MAML1: variants seen among roughly 807,000 people sequenced by gnomAD.
MAML1 encodes the protein mastermind like transcriptional coactivator 1.
A neutral mutation model predicts 77.1 loss-of-function variants in MAML1; 14 were observed. That is an observed-to-expected ratio of 0.18 (90% CI 0.12 to 0.28). MAML1 has a LOEUF of 0.28. Among genes scored for constraint, MAML1 ranks in the 10% least tolerant of loss-of-function variants. The pLI, the probability that MAML1 is intolerant of heterozygous loss-of-function variation, is 1.00. For missense variants in MAML1, 1,217 were observed against 1,327.8 expected (o/e 0.92, Z 1.30); for synonymous variants, 516 against 551.9 (o/e 0.93, Z 0.91).
chr5:179,745,134 T>C (rs1779354373), intron 1 of MAML1, among the ~76,000 whole-genome samples: 1 of 151,950 alleles, frequency 6.6e-6, no homozygotes, highest in Non-Finnish European at 1.5e-5. Context: ...CTCGATCTCC[T>C]GACCTCGTGA....
intron 1 of MAML1, among the ~76,000 whole-genome samples, chr5:179,763,574 C>A (rs1779759794): frequency 6.6e-6 from 1 of 151,956 alleles, no homozygotes; most frequent in Non-Finnish European, 1.5e-5. Context: ...ATAAGCAAAT[C>A]TTGATGTGGG....
intron 2 of MAML1, among the ~76,000 whole-genome samples, chr5:179,767,006 C>CT (rs1404527889): frequency 1.3e-5 from 2 of 151,632 alleles, no homozygotes; most frequent in African/African-American, 2.4e-5. Context: ...AGTCCACTGT[C>CT]TCTTTCGTGC....
chr5:179,773,793 C>G lies in MAML1; in HGVS notation c.2069-102C>G, dbSNP rs1305655044. 5.3e-6 allele frequency: 8 copies of G among 1,511,580 alleles called. No individual in the cohort carries two copies. In the East Asian group the frequency reaches 1.6e-4, roughly 30 times the overall value. The allele number at this position is 1,511,580 out of a possible 1,614,324, so 93.6% of individuals were successfully genotyped here. On this transcript the variant is annotated intron_variant, in intron 4 of 4. Transcript: ENST00000292599. ...CCCCATGGCCCCCGGGGCCCTCTTC[C>G]CAGTGTGCCGTGAACGTGAGACTTC...
At chr5:179,738,575 A>G (rs527680142) in intron 1 of MAML1, among the ~76,000 whole-genome samples, 12 of 152,070 alleles carry the variant, frequency 7.9e-5, no homozygotes, top group Non-Finnish European at 1.6e-4. Flanking sequence ...TTCAGCTTGA[A>G]ATTATGAACA....
At chr5:179,743,610 C>T (rs1779325001) in intron 1 of MAML1, among the ~76,000 whole-genome samples, 1 of 151,834 alleles carries the variant, frequency 6.6e-6, no homozygotes, top group East Asian at 1.9e-4. Flanking sequence ...TGCGATCCAC[C>T]CGCCTCAGCC....
At chr5:179,747,023 G>A (rs1034791846) in intron 1 of MAML1, among the ~76,000 whole-genome samples, 76 of 152,156 alleles carry the variant, frequency 5.0e-4, no homozygotes, top group African/African-American at 1.8e-3. Context: ...TGGTAGAGAC[G>A]AAGTCTTGCT....
intron 1 of MAML1, among the ~76,000 whole-genome samples, chr5:179,756,253 A>G (rs1223376751): frequency 6.6e-6 from 1 of 151,184 alleles, no homozygotes; most frequent in Non-Finnish European, 1.5e-5. Context: ...GTGAAACCCC[A>G]TCTCTACTAA....
intron 1 of MAML1, among the ~76,000 whole-genome samples, chr5:179,733,828 C>T (rs1297708509): frequency 2.0e-5 from 3 of 152,170 alleles, no homozygotes; most frequent in East Asian, 3.8e-4. Flanking sequence ...GGGTCCTTGC[C>T]CTTTACAAGA....
chr5:179,761,423 G>A (rs1202816521), intron 1 of MAML1, among the ~76,000 whole-genome samples: 1 of 152,042 alleles, frequency 6.6e-6, no homozygotes, highest in Non-Finnish European at 1.5e-5. Context: ...AGGGCTGGGT[G>A]AGGTGCCTCA....
chr5:179,746,254 G>C (rs1375287971), intron 1 of MAML1, among the ~76,000 whole-genome samples: 2 of 152,014 alleles, frequency 1.3e-5, no homozygotes, highest in African/African-American at 4.8e-5. Context: ...GCTGAGGCAG[G>C]AGAATCGCTT....
In MAML1 at chr5:179,776,860, GA is replaced by G. The variant is rs1188962431; in HGVS notation, c.*1985del. On this transcript the variant is annotated 3_prime_UTR_variant, in exon 5 of 5. Coordinates refer to ENST00000292599, the MANE Select transcript of MAML1 (RefSeq NM_014757.5). ...GGGAGCTGCCCATGGCTTTATTTAT[GA>G]ACCTGGTTTTCGGGAGTCAGGGGAG... is the stretch of plus-strand genomic sequence containing the variant. The G allele has an allele frequency of 2.1e-5, 21 of 985,930 alleles. No homozygotes were observed. The highest frequency in any genetic ancestry group is 1.0e-3 in the Middle Eastern group (2 of 1,914). 61.1% of individuals were successfully genotyped at this position (985,930 alleles called of 1,614,324 possible). A position where few individuals can be genotyped will look rare whatever the true frequency, so the allele number is the denominator to read the frequency against.
chr5:179,745,404 CATAA>C (rs1180736945), intron 1 of MAML1, among the ~76,000 whole-genome samples: 2 of 151,614 alleles, frequency 1.3e-5, no homozygotes, highest in Admixed American at 1.3e-4. Context: ...TTCTTGCTCA[CATAA>C]ATAAACTATA....
Position 179,766,363 on chromosome 5 carries a change from C to T in MAML1, c.1353C>T (p.Ser451=), listed in dbSNP as rs775513959. The T allele has an allele frequency of 2.5e-6, 4 of 1,606,184 alleles. No homozygotes were observed. Among genetic ancestry groups the T allele is most frequent in the Admixed American group, 3.4e-5 (2 of 59,044 alleles). ...CTTACCCCATGGAGAAGCCTGCCAGCCCTTCCAGCTACAAGCAAGACTTCA... is the reference window on the plus strand; with the variant it reads ...CTTACCCCATGGAGAAGCCTGCCAGTCCTTCCAGCTACAAGCAAGACTTCA... ...DVPYPMEKPA[S]PSSYKQDFTN... Residue 451 remains serine (S), a synonymous_variant, in exon 2 of 5, where the codon AGC becomes AGT. Transcript: ENST00000292599. The surrounding 1 kb of genome is among the most constrained non-coding windows in gnomAD (Gnocchi z 4.0).
rs762903968 is a variant in MAML1, at chr5:179,766,654, C to G, written c.1644C>G (p.Ser548=). 1 of 1,609,980 alleles carries G rather than the reference C, an allele frequency of 6.2e-7. No homozygotes were observed. The highest frequency in any genetic ancestry group is 8.5e-7 in the Non-Finnish European group (1 of 1,177,856). Residue 548 remains serine, a synonymous_variant, in exon 2 of 5, where the codon TCC becomes TCG. Transcript: ENST00000292599. The surrounding 1 kb of genome is among the most constrained non-coding windows in gnomAD (Gnocchi z 4.0). ...ALMAYLPQQL[S]HISHEQNSLF... ...TGGCTTATCTTCCCCAGCAGCTGTC[C>G]CATATAAGTCACGAGCAGAACTCCC...
Position 179,766,112 on chromosome 5 carries a change from G to C in MAML1, c.1102G>C (p.Ala368Pro). 6.3e-7 allele frequency: 1 copy of C among 1,578,412 alleles called. No individual in the cohort carries two copies. Among genetic ancestry groups the C allele is most frequent in the Non-Finnish European group, 8.6e-7 (1 of 1,163,730 alleles). The change falls in exon 2 of 5, where the codon GCC (alanine) becomes CCC (proline). Residue 368 changes from alanine (A) to proline (P), a missense_variant. Physicochemically the swap from Ala to Pro is conservative, Grantham distance 27. Transcript: ENST00000292599. This position sits in a 1 kb window ranked among gnomAD's most constrained non-coding sequence, Gnocchi z 4.0. Reference protein sequence around the residue: ...NPSPNLMPASAQAQNAQRALA... With the variant: ...NPSPNLMPASPQAQNAQRALA... ...CAGTCCAAACCTGATGCCGGCATCAGCCCAGGCCCAGAACGCACAAAGAGC... is the reference window on the plus strand; with the variant it reads ...CAGTCCAAACCTGATGCCGGCATCACCCCAGGCCCAGAACGCACAAAGAGC...
At chr5:179,767,095 C>CTTTTTTT (rs10707656) in intron 2 of MAML1, among the ~76,000 whole-genome samples, 2 of 100,942 alleles carry the variant, frequency 2.0e-5, no homozygotes, top group Non-Finnish European at 3.9e-5. Context: ...AGAGGCTTGG[C>CTTTTTTT]TTTTTTTTTT....
Position 179,771,173 on chromosome 5 carries a change from G to A in MAML1, c.1998G>A (p.Leu666=). The change falls in exon 4 of 5, where the codon CTG becomes CTA. Residue 666 remains leucine (L), a synonymous_variant. Coordinates refer to ENST00000292599, the MANE Select transcript of MAML1 (RefSeq NM_014757.5). This position sits in a 1 kb window ranked among gnomAD's most constrained non-coding sequence, Gnocchi z 4.7. ...AGAAGCAACAGTTTCAGCGCCATCT[G>A]ACCCGCCCACCACCCCAGTACCAAG... is the stretch of plus-strand genomic sequence containing the variant. ...EQEKQQFQRH[L]TRPPPQYQDP... The A allele has an allele frequency of 6.2e-7, 1 of 1,614,088 alleles. No homozygotes were observed. Among genetic ancestry groups the A allele is most frequent in the Non-Finnish European group, 8.5e-7 (1 of 1,179,998 alleles).
intron 1 of MAML1, among the ~76,000 whole-genome samples, chr5:179,748,957 T>G (rs144387540): frequency 2.1e-5 from 1 of 47,734 alleles, no homozygotes; most frequent in Non-Finnish European, 6.1e-5. Flanking sequence ...TTTGTTTTTT[T>G]TTTTTTTGTT....
At chr5:179,773,593 C>T (rs1756053843) in intron 4 of MAML1, 1 of 292,608 alleles carries the variant, frequency 3.4e-6, no homozygotes, top group African/African-American at 2.3e-5. Flanking sequence ...CCTCAGAGTC[C>T]CCGGTGCCCA....
Sources: gnomAD v4.1 joint callset for allele counts (sites outside exome capture counted in the v4.1 genomes callset) on GRCh38, gnomAD v4.1.1 for gene constraint, Gnocchi (gnomAD v3.1) non-coding constraint, MANE v1.5 for transcripts, NCBI Gene and HGNC (gene_info 2026-07-23, HGNC 2026-07-21) for gene names.